Variants in TRPM1 observed in about 807,000 individuals in gnomAD.
TRPM1 encodes the protein TRPM1-203 APA Isoform, Intron 10.
Under a neutral mutation model 149.4 loss-of-function variants are expected in TRPM1, and 113 were observed. The observed-to-expected ratio is 0.76, with a 90% CI of 0.65 to 0.88. The LOEUF is 0.88. Among genes scored for constraint, TRPM1 ranks in the 40% least tolerant of loss-of-function variants. TRPM1 has a pLI of 0.00. For missense variants in TRPM1, 1,976 were observed against 2,038.7 expected, an observed-to-expected ratio of 0.97 and a Z score of 0.59; for synonymous variants, 741 against 759.5, an observed-to-expected ratio of 0.98 and a Z score of 0.40.
At chr15:31,083,449 C>T (rs771849495) in intron 1 of TRPM1, among the ~76,000 whole-genome samples, 6 of 152,242 alleles carry the variant, frequency 3.9e-5, no homozygotes, top group Middle Eastern at 3.4e-3. Context: ...CTGCAGGTGG[C>T]GGCGGGTTCC....
intron 1 of TRPM1, among the ~76,000 whole-genome samples, chr15:31,135,017 G>C (rs1018170184): frequency 1.3e-5 from 2 of 152,048 alleles, no homozygotes; most frequent in African/African-American, 4.8e-5. Flanking sequence ...AAAAAAAAGA[G>C]ATTGGCTCAA....
At position 31,046,229 on chromosome 15, in the gene TRPM1, T is replaced by G. The variant is rs371362001; in HGVS notation, c.1769A>C (p.Lys590Thr). Residue 590 changes from lysine to threonine, a missense_variant, in exon 16 of 28, where the codon AAA becomes ACA. Transcript: ENST00000256552. ...TTCCATTCCCAGAAGTTTAAGAGCT[T>G]TAGGCTGCATGGTGAAAGAGGAAGA... Reference protein sequence around the residue: ...YNNLFGPKRPKALKLLGMEDD... With the variant: ...YNNLFGPKRPTALKLLGMEDD... 6.2e-7 allele frequency: 1 copy of G among 1,611,186 alleles called. No individual in the cohort carries two copies. The highest frequency in any genetic ancestry group is 8.5e-7 in the Non-Finnish European group (1 of 1,179,844).
At chr15:31,154,965 G>A (rs557583141) in intron 1 of TRPM1, among the ~76,000 whole-genome samples, 4 of 152,240 alleles carry the variant, frequency 2.6e-5, no homozygotes, top group South Asian at 2.1e-4. Flanking sequence ...TCTGCTCCCC[G>A]AATGCTCAGG....
intron 24 of TRPM1, 88 bp downstream of exon 24, chr15:31,029,283 A>G (rs2032944808): frequency 3.7e-6 from 5 of 1,360,574 alleles, no homozygotes; most frequent in Admixed American, 1.8e-5. Context: ...ATTTGAAAAC[A>G]GTTTAAGACT....
In TRPM1 at chr15:31,038,037, C is replaced by A; in HGVS notation, c.2439+7G>T. 2 of 1,614,088 alleles carry A rather than the reference C, an allele frequency of 1.2e-6. No individual in the cohort carries two copies. Among genetic ancestry groups the A allele is most frequent in the South Asian group, 2.2e-5 (2 of 91,056 alleles). Reference sequence around the variant, plus strand: ...CTGATATGCTTAGGGTCAAGTGTGTCACTGACCGTATTTTCCTCTTCTTTT... The same window carrying A: ...CTGATATGCTTAGGGTCAAGTGTGTAACTGACCGTATTTTCCTCTTCTTTT... On this transcript the variant is annotated splice_region_variant and intron_variant, in intron 19 of 27. Coordinates refer to ENST00000256552, the MANE Select transcript of TRPM1 (RefSeq NM_001252024.2).
chr15:31,066,340 G>T, intron 6 of TRPM1, 93 bp from the exon 7 acceptor site: 3 of 1,393,176 alleles, frequency 2.2e-6, no homozygotes, highest in Non-Finnish European at 3.0e-6. Flanking sequence ...TGGAGTGACT[G>T]CACTAAAACT....
Position 31,076,885 on chromosome 15 carries a change from A to C in TRPM1, c.83+20T>G. On this transcript the variant is annotated intron_variant, in intron 3 of 27. Coordinates refer to ENST00000256552, the MANE Select transcript of TRPM1 (RefSeq NM_001252024.2). ...CAAGCACTGGTTTGGATAATGTCTT[A>C]ATCGTGGATTTCAATTTACCTGTTA... The C allele has an allele frequency of 5.2e-6, 8 of 1,541,786 alleles. No homozygotes were observed. The highest frequency in any genetic ancestry group is 7.2e-6 in the Non-Finnish European group (8 of 1,114,772).
rs144014598 is a variant in TRPM1 at position 31,144,801 on chromosome 15, C to T, written c.54+16105G>A. The stretch of plus-strand genomic sequence containing the variant: ...CATGATCTCGGCTCACTGCAACCTC[C>T]GCCTCCTGGGTTCAAGCAATTCTCC... On this transcript the variant is annotated intron_variant, in intron 1 of 26. Transcript: ENST00000542188. 5.1e-3 allele frequency among the ~76,000 whole-genome samples: 770 copies of T among 151,072 alleles called. 6 individuals are homozygous for T. The highest frequency in any genetic ancestry group is 0.018 in the African/African-American group (734 of 41,098).
chr15:31,140,675 A>G (rs946772715), intron 1 of TRPM1, among the ~76,000 whole-genome samples: 1 of 152,222 alleles, frequency 6.6e-6, no homozygotes, highest in African/African-American at 2.4e-5. Context: ...TGAAGCCCTC[A>G]CCAGAAGCAG....
chr15:31,077,917 G>A (rs996775697), intron 2 of TRPM1, among the ~76,000 whole-genome samples: 1 of 151,994 alleles, frequency 6.6e-6, no homozygotes, highest in African/African-American at 2.4e-5. Flanking sequence ...TGTGTGCAGT[G>A]TAGTGTGTTG....
intron 1 of TRPM1, among the ~76,000 whole-genome samples, chr15:31,122,818 G>A (rs1262742393): frequency 6.6e-6 from 1 of 152,136 alleles, no homozygotes. Context: ...TTTGGGTCAG[G>A]GGGGATACTG....
chr15:31,097,298 T>C (rs1450630651), intron 1 of TRPM1, among the ~76,000 whole-genome samples: 1 of 127,002 alleles, frequency 7.9e-6, no homozygotes, highest in Non-Finnish European at 1.6e-5. Context: ...GCCATGGAAC[T>C]GAGCATTTAG....
At chr15:31,086,420 G>A (rs370312732) in intron 1 of TRPM1, among the ~76,000 whole-genome samples, 5 of 152,246 alleles carry the variant, frequency 3.3e-5, no homozygotes, top group African/African-American at 4.8e-5. Flanking sequence ...CACAAGCTGC[G>A]CCTTGCAGAT....
intron 1 of TRPM1, among the ~76,000 whole-genome samples, chr15:31,125,720 A>ACTC (rs1379410553): frequency 1.1e-5 from 1 of 91,822 alleles, no homozygotes; most frequent in Non-Finnish European, 2.0e-5. Flanking sequence ...ACAGAGCGAG[A>ACTC]CTCCGTCTCA....
chr15:31,089,043 A>C (rs535554562), intron 1 of TRPM1, among the ~76,000 whole-genome samples: 1 of 152,366 alleles, frequency 6.6e-6, no homozygotes, highest in Non-Finnish European at 1.5e-5. Context: ...GGGTATCAGA[A>C]ATCCAGTAAT....
rs137897644 is a variant in TRPM1, at chr15:31,018,091, G to A, written c.3629+8048C>T. Among the ~76,000 whole-genome samples the A allele has an allele frequency of 2.9e-3, 444 of 151,862 alleles. 1 individual carries two copies. Among genetic ancestry groups the A allele is most frequent in the Middle Eastern group, 0.024 (7 of 294 alleles). On this transcript the variant is annotated intron_variant, in intron 27 of 27. Transcript: ENST00000256552. ...TTTTGAGATGGAGTTTCGCTCTATC[G>A]CCCAGGCTGGAGTGCAGTGGTGCGA...
chr15:31,152,093 C>G (rs545302053), intron 1 of TRPM1, among the ~76,000 whole-genome samples: 1 of 152,176 alleles, frequency 6.6e-6, no homozygotes, highest in Non-Finnish European at 1.5e-5. Flanking sequence ...GGCCAGCTGG[C>G]CTGCTCTCAA....
chr15:31,124,127 A>G (rs2035914004), intron 1 of TRPM1, among the ~76,000 whole-genome samples: 1 of 152,152 alleles, frequency 6.6e-6, no homozygotes, highest in South Asian at 2.1e-4. Context: ...CTACTAAAAA[A>G]TACAAAAGTT....
chr15:31,133,117 T>C (rs1251149722), intron 1 of TRPM1, among the ~76,000 whole-genome samples: 1 of 152,234 alleles, frequency 6.6e-6, no homozygotes, highest in Non-Finnish European at 1.5e-5. Flanking sequence ...TTAGAGACAC[T>C]GACCCTGGGA....
Sources: gnomAD v4.1 joint callset for allele counts (sites outside exome capture counted in the v4.1 genomes callset) on GRCh38, gnomAD v4.1.1 for gene constraint, MANE v1.5 for transcripts, NCBI Gene and HGNC (gene_info 2026-07-23, HGNC 2026-07-21) for gene names.